Variants in DOK3 observed in about 807,000 individuals in gnomAD.
The protein encoded by DOK3 is docking protein 3.
In DOK3, 23 loss-of-function variants were observed where a neutral mutation model predicts 26.2. The ratio of observed to expected loss-of-function variants is 0.88; its 90% CI spans 0.63 to 1.24. DOK3 has a LOEUF of 1.24. DOK3 is among the 50% of genes most tolerant of loss of function. The pLI is 0.00. For synonymous variants in DOK3, 268 were observed against 268.2 expected (o/e 1.00, Z 0.01); for missense variants, 619 against 610.6 (o/e 1.01, Z -0.15).
In DOK3 at chr5:177,508,224, T is replaced by C. The variant is rs2127430788; in HGVS notation, c.372+13A>G. 6.8e-7 allele frequency: 1 copy of C among 1,469,034 alleles called. No homozygotes were observed. The highest frequency in any genetic ancestry group is 9.0e-7 in the Non-Finnish European group (1 of 1,105,100). 91.0% of individuals were successfully genotyped at this position (1,469,034 alleles called of 1,614,324 possible). A position where few individuals can be genotyped will look rare whatever the true frequency, so the allele number is the denominator to read the frequency against. On this transcript the variant is annotated intron_variant, in intron 3 of 5. Coordinates refer to ENST00000510898, the MANE Select transcript of DOK3 (RefSeq NM_001308236.3). ...TGCCCCAGCCCAATCGCCCCCCTGC[T>C]CGCCGCACTCACCGGGAAGGCCAGC...
At chr5:177,511,067 A>C (rs1760887529), upstream of DOK3, 1 of 152,312 alleles carries the variant, frequency 6.6e-6, no homozygotes, top group African/African-American at 2.4e-5. Context: ...ACAGCTCAGC[A>C]GAGCTGGGCA....
chr5:177,504,304 C>T lies in DOK3; in HGVS notation c.1002G>A (p.Gly334=), dbSNP rs1449485227. Residue 334 remains glycine (G), a synonymous_variant, in exon 6 of 6, where the codon GGG becomes GGA. Coordinates refer to ENST00000510898, the MANE Select transcript of DOK3 (RefSeq NM_001308236.3). The part of the protein sequence containing the change: ...LYASVCKRAS[G]PPGNEHLYEN... ...CATAGAGGTGCTCATTGCCTGGGGG[C>T]CCACTGGCACGCTTGCACACTGAAG... 6.2e-7 allele frequency: 1 copy of T among 1,605,402 alleles called. No individual in the cohort carries two copies. Among genetic ancestry groups the T allele is most frequent in the South Asian group, 1.1e-5 (1 of 89,898 alleles).
chr5:177,503,822 G>A lies in DOK3; in HGVS notation c.*161C>T. The A allele has an allele frequency of 7.0e-7, 1 of 1,433,230 alleles. No homozygotes were observed. The highest frequency in any genetic ancestry group is 9.1e-7 in the Non-Finnish European group (1 of 1,098,416). The allele number at this position is 1,433,230 out of a possible 1,614,324, so 88.8% of individuals were successfully genotyped here. A position where few individuals can be genotyped will look rare whatever the true frequency, so the allele number is the denominator to read the frequency against. The stretch of plus-strand genomic sequence containing the variant: ...GAGTCTGCACACTATTCATGAGGAG[G>A]GCAGGGCAGGGCTGAGGTCCTCCAC... On this transcript the variant is annotated 3_prime_UTR_variant, in exon 6 of 6. Coordinates refer to ENST00000510898, the MANE Select transcript of DOK3 (RefSeq NM_001308236.3).
intron 2 of DOK3, 133 bp from the exon 3 acceptor site, chr5:177,508,675 G>A: frequency 9.7e-7 from 1 of 1,030,182 alleles, no homozygotes; most frequent in Non-Finnish European, 1.4e-6. Context: ...CAGGGAGCCA[G>A]GTAAGGAGGC....
intron 2 of DOK3, 42 bp from the exon 3 acceptor site, chr5:177,508,584 G>T (rs1191327409): frequency 1.4e-6 from 2 of 1,470,056 alleles, no homozygotes; most frequent in Admixed American, 4.4e-5. Context: ...TTGGGTGGCA[G>T]ATTGTCCGTG....
chr5:177,504,540 C>G lies in DOK3; in HGVS notation c.766G>C (p.Glu256Gln). ...GGCCTGGTCAGCTCTGGCAGCCGCTCCCGCTGGCGGGCGATGGCCCCGGCC... is the reference window on the plus strand; with the variant it reads ...GGCCTGGTCAGCTCTGGCAGCCGCTGCCGCTGGCGGGCGATGGCCCCGGCC... ...AVAGAIARQR[E>Q]RLPELTRPQP... Residue 256 changes from glutamate to glutamine, a missense_variant, in exon 6 of 6, where the codon GAG becomes CAG. Transcript: ENST00000510898. 6.3e-7 allele frequency: 1 copy of G among 1,592,406 alleles called. No homozygotes were observed. The highest frequency in any genetic ancestry group is 8.5e-7 in the Non-Finnish European group (1 of 1,172,212).
chr5:177,503,612 G>A lies in DOK3; in HGVS notation c.*371C>T, dbSNP rs1759599683. 3 of 1,279,618 alleles carry A rather than the reference G, an allele frequency of 2.3e-6. No individual in the cohort carries two copies. Among genetic ancestry groups the A allele is most frequent in the Non-Finnish European group, 3.1e-6 (3 of 966,442 alleles). The allele number at this position is 1,279,618 out of a possible 1,614,324, so 79.3% of individuals were successfully genotyped here. A position where few individuals can be genotyped will look rare whatever the true frequency, so the allele number is the denominator to read the frequency against. ...ACTCGGCCGTGCAGAGCAACATGGA[G>A]TCCTAATGATTTCCATCCCGTCTGT... is the stretch of plus-strand genomic sequence containing the variant. On this transcript the variant is annotated 3_prime_UTR_variant, in exon 6 of 6. Transcript: ENST00000510898.
chr5:177,509,240 C>A, intron 2 of DOK3: 1 of 510,366 alleles, frequency 2.0e-6, no homozygotes. Context: ...CCCTCTCCCA[C>A]TCCTGTATTT....
At position 177,504,042 on chromosome 5, in the gene DOK3, G is replaced by C; in HGVS notation, c.1264C>G (p.Leu422Val). 6.3e-7 allele frequency: 1 copy of C among 1,595,562 alleles called. No individual in the cohort carries two copies. Among genetic ancestry groups the C allele is most frequent in the Non-Finnish European group, 8.5e-7 (1 of 1,171,042 alleles). Residue 422 changes from leucine to valine, a missense_variant, in exon 6 of 6, where the codon CTG becomes GTG. Leu to Val is a conservative substitution (Grantham distance 32, BLOSUM62 1). Coordinates refer to ENST00000510898, the MANE Select transcript of DOK3 (RefSeq NM_001308236.3). The part of the protein sequence containing the change: ...PDPQAGFKAK[L>V]VTLLSRERRK... ...CGCTCACGACTCAGCAGGGTCACCA[G>C]CTTGGCCTTGAAACCTGCCTGAGGG... is the stretch of plus-strand genomic sequence containing the variant.
At position 177,509,803 on chromosome 5, in the gene DOK3, T is replaced by A. The variant is rs1218071699; in HGVS notation, c.-163A>T. 1 of 1,611,786 alleles carries A rather than the reference T, an allele frequency of 6.2e-7. No individual in the cohort carries two copies. Among genetic ancestry groups the A allele is most frequent in the Admixed American group, 1.7e-5 (1 of 60,018 alleles). ...CCTGAAGGCAGCCTTCTCACGCACC[T>A]GGTTCAGCTGGGCACGCGCGTCTGA... On this transcript the variant is annotated 5_prime_UTR_variant, in exon 1 of 6. Coordinates refer to ENST00000510898, the MANE Select transcript of DOK3 (RefSeq NM_001308236.3).
At position 177,506,101 on chromosome 5, in the gene DOK3, C is replaced by T. The variant is rs780857488; in HGVS notation, c.373-991G>A. On this transcript the variant is annotated intron_variant, in intron 3 of 5. Coordinates refer to ENST00000510898, the MANE Select transcript of DOK3 (RefSeq NM_001308236.3). Reference sequence around the variant, plus strand: ...CCAAGTAGCTGGGATTACAGGTGCCCACCACCATGCCTGGCTAATTTTTTG... The same window carrying T: ...CCAAGTAGCTGGGATTACAGGTGCCTACCACCATGCCTGGCTAATTTTTTG... Among the ~76,000 whole-genome samples, 10 of 151,862 alleles carry T rather than the reference C, an allele frequency of 6.6e-5. 1 individual carries two copies. The highest frequency in any genetic ancestry group is 1.9e-4 in the East Asian group (1 of 5,164).
At chr5:177,506,975 C>T (rs1252987510) in intron 3 of DOK3, among the ~76,000 whole-genome samples, 8 of 150,490 alleles carry the variant, frequency 5.3e-5, no homozygotes, top group Non-Finnish European at 8.9e-5. Flanking sequence ...CCTGAGCCAC[C>T]GCACCCGGCC....
At chr5:177,504,698 G>A in intron 5 of DOK3, 38 bp from the exon 6 acceptor site, 2 of 1,613,746 alleles carry the variant, frequency 1.2e-6, no homozygotes, top group Non-Finnish European at 1.7e-6. Context: ...TAGCAGGAGG[G>A]TCCAGGGTGT....
rs1025573224 is a variant in DOK3, at chr5:177,504,440, G to C, written c.866C>G (p.Pro289Arg). The stretch of plus-strand genomic sequence containing the variant: ...CCTGGACGTGGGTGGCTCAGGTCCT[G>C]GTGGCATCTCCCGAAGCTCTCCGGG... Reference protein sequence around the residue: ...DTPGELREMPPGPEPPTSRKM... With the variant: ...DTPGELREMPRGPEPPTSRKM... The change falls in exon 6 of 6, where the codon CCA becomes CGA. Residue 289 changes from proline to arginine, a missense_variant. By Grantham distance (103) the Pro-to-Arg change is moderately radical (BLOSUM62 -2). Coordinates refer to ENST00000510898, the MANE Select transcript of DOK3 (RefSeq NM_001308236.3). 9 of 1,576,552 alleles carry C rather than the reference G, an allele frequency of 5.7e-6. No homozygotes were observed. The highest frequency in any genetic ancestry group is 7.7e-6 in the Non-Finnish European group (9 of 1,161,884).
At position 177,504,931 on chromosome 5, in the gene DOK3, A is replaced by G. The variant is rs1490923029; in HGVS notation, c.473-16T>C. The stretch of plus-strand genomic sequence containing the variant: ...AACTCGCCCACTGTGGCAGGTGGCC[A>G]GGACAGCTCCGTCAGTCCCAAAAAG... On this transcript the variant is annotated splice_polypyrimidine_tract_variant and intron_variant, in intron 4 of 5. Coordinates refer to ENST00000510898, the MANE Select transcript of DOK3 (RefSeq NM_001308236.3). The G allele has an allele frequency of 3.2e-6, 5 of 1,580,126 alleles. No homozygotes were observed. The highest frequency in any genetic ancestry group is 1.8e-5 in the Admixed American group (1 of 56,930).
intron 3 of DOK3, among the ~76,000 whole-genome samples, chr5:177,506,922 G>C (rs976597089): frequency 4.0e-5 from 6 of 151,770 alleles, no homozygotes; most frequent in Non-Finnish European, 8.8e-5. Flanking sequence ...CTGACCTCAG[G>C]TGATCCGCCC....
At chr5:177,509,428 A>G in intron 2 of DOK3, 47 bp downstream of exon 2, 1 of 1,571,660 alleles carries the variant, frequency 6.4e-7, no homozygotes, top group East Asian at 2.2e-5. Flanking sequence ...TGCATTCTCC[A>G]CCCACTGTTG....
At position 177,503,333 on chromosome 5, in the gene DOK3, G is replaced by A. The variant is rs1053465587; in HGVS notation, c.*650C>T. On this transcript the variant is annotated 3_prime_UTR_variant, in exon 6 of 6. Coordinates refer to ENST00000510898, the MANE Select transcript of DOK3 (RefSeq NM_001308236.3). ...TCTCATCAAGGATTATGCCTGATAC[G>A]TCATCGGTTCTCTCTCCTTTACAGA... is the stretch of plus-strand genomic sequence containing the variant. 13 of 1,551,152 alleles carry A rather than the reference G, an allele frequency of 8.4e-6. No individual in the cohort carries two copies. The highest frequency in any genetic ancestry group is 1.7e-4 in the Middle Eastern group (1 of 6,012).
At position 177,502,946 on chromosome 5, in the gene DOK3, G is replaced by A. The variant is rs1266929598; in HGVS notation, c.*1037C>T. 1.8e-6 allele frequency: 2 copies of A among 1,124,328 alleles called. No homozygotes were observed. Among genetic ancestry groups the A allele is most frequent in the African/African-American group, 1.6e-5 (1 of 63,562 alleles). The allele number at this position is 1,124,328 out of a possible 1,614,324, so 69.6% of individuals were successfully genotyped here. A position where few individuals can be genotyped will look rare whatever the true frequency, so the allele number is the denominator to read the frequency against. On this transcript the variant is annotated 3_prime_UTR_variant, in exon 6 of 6. Transcript: ENST00000510898. ...GACATGCCTAGGCAGGGGCGGTACT[G>A]GCCGCACTAAAGGAAGTGAGCTGGA...
Sources: gnomAD v4.1 joint callset for allele counts (sites outside exome capture counted in the v4.1 genomes callset) on GRCh38, gnomAD v4.1.1 for gene constraint, MANE v1.5 for transcripts, NCBI Gene and HGNC (gene_info 2026-07-23, HGNC 2026-07-21) for gene names.